Variants in KLHL18 observed in about 807,000 individuals in gnomAD.
KLHL18 encodes kelch like family member 18.
KLHL18 carries 38 observed loss-of-function variants against 58.5 expected under a neutral mutation model. That is an observed-to-expected ratio of 0.65 (90% CI 0.50 to 0.85). The LOEUF is 0.85. KLHL18 is among the 40% of genes least tolerant of loss of function. The pLI is 0.00. For missense variants in KLHL18, 624 were observed against 778.4 expected, an observed-to-expected ratio of 0.80 and a Z score of 2.36; for synonymous variants, 303 against 301.9, an observed-to-expected ratio of 1.00 and a Z score of -0.04.
At chr3:47,301,711 A>G (rs1703029585) in intron 1 of KLHL18, among the ~76,000 whole-genome samples, 1 of 152,210 alleles carries the variant, frequency 6.6e-6, no homozygotes, top group South Asian at 2.1e-4. Flanking sequence ...TGACTTCCCA[A>G]AAACATAATT....
At position 47,344,823 on chromosome 3, in the gene KLHL18, T is replaced by C. The variant is rs1316707160; in HGVS notation, c.*882T>C. ...CTGAGGCCTCGCATTGAGCTGGGGGTTCCCTCTGAGCCCCAGTGTGTGTGG... is the reference window on the plus strand; with the variant it reads ...CTGAGGCCTCGCATTGAGCTGGGGGCTCCCTCTGAGCCCCAGTGTGTGTGG... On this transcript the variant is annotated 3_prime_UTR_variant, in exon 10 of 10. Coordinates refer to ENST00000232766, the MANE Select transcript of KLHL18 (RefSeq NM_025010.5). 1.3e-5 allele frequency: 2 copies of C among 152,442 alleles called. No homozygotes were observed. The highest frequency in any genetic ancestry group is 2.9e-5 in the Non-Finnish European group (2 of 68,024). 9.4% of individuals were successfully genotyped at this position (152,442 alleles called of 1,614,324 possible). A position where few individuals can be genotyped will look rare whatever the true frequency, so the allele number is the denominator to read the frequency against.
intron 3 of KLHL18, among the ~76,000 whole-genome samples, chr3:47,327,066 C>T (rs894616880): frequency 2.0e-5 from 3 of 151,808 alleles, no homozygotes; most frequent in Admixed American, 6.6e-5. Context: ...TGGTGAAATG[C>T]CATCTCTACT....
At chr3:47,328,042 C>T (rs1159745662) in intron 3 of KLHL18, among the ~76,000 whole-genome samples, 6 of 152,000 alleles carry the variant, frequency 3.9e-5, no homozygotes, top group Non-Finnish European at 1.5e-5. Context: ...GCACTGGGCT[C>T]GTTTGGAATT....
intron 4 of KLHL18, among the ~76,000 whole-genome samples, chr3:47,331,550 A>G (rs976934100): frequency 6.8e-6 from 1 of 147,120 alleles, no homozygotes; most frequent in Admixed American, 7.0e-5. Flanking sequence ...CTCCTGCCTC[A>G]GCTTCCCAAG....
intron 5 of KLHL18, 100 bp downstream of exon 5, chr3:47,333,417 AT>A (rs1703913829): frequency 3.4e-6 from 4 of 1,186,892 alleles, no homozygotes; most frequent in Non-Finnish European, 4.7e-6. Flanking sequence ...ATTTAGAGTG[AT>A]CAGTCTAATT....
intron 1 of KLHL18, among the ~76,000 whole-genome samples, chr3:47,295,959 T>C (rs1702887974): frequency 6.6e-6 from 1 of 152,190 alleles, no homozygotes; most frequent in African/African-American, 2.4e-5. Context: ...GTCCCATCTC[T>C]CTGAAGACAG....
At position 47,283,018 on chromosome 3, in the gene KLHL18, C is replaced by T. The variant is rs1296890044; in HGVS notation, c.53C>T (p.Ser18Phe). The T allele has an allele frequency of 6.2e-7, 1 of 1,609,584 alleles. No homozygotes were observed. The highest frequency in any genetic ancestry group is 8.5e-7 in the Non-Finnish European group (1 of 1,178,324). Residue 18 changes from serine to phenylalanine, a missense_variant, in exon 1 of 10, where the codon TCT (serine) becomes TTT (phenylalanine). Physicochemically the swap from Ser to Phe is radical, Grantham distance 155 (BLOSUM62 -2). Transcript: ENST00000232766. ...GAGGATCTGGTGCACTTCTCCGTGT[C>T]TGAGTTGCCTAGTCGCGGCTACGGC... ...ELEDLVHFSV[S>F]ELPSRGYGVM...
In KLHL18 at chr3:47,322,574, G is replaced by A; in HGVS notation, c.267G>A (p.Leu89=). 6.2e-7 allele frequency: 1 copy of A among 1,602,712 alleles called. No homozygotes were observed. Among genetic ancestry groups the A allele is most frequent in the Non-Finnish European group, 8.5e-7 (1 of 1,175,036 alleles). ...CTTTCCCTCTTTCCTCTAGTGCCCT[G>A]GAGGCTCTGATCAACTTTGCCTACA... ...IVMQGMDPSA[L]EALINFAYNG... Residue 89 remains leucine (L), a synonymous_variant, in exon 3 of 10, where the codon CTG becomes CTA. Coordinates refer to ENST00000232766, the MANE Select transcript of KLHL18 (RefSeq NM_025010.5).
chr3:47,321,168 G>T (rs981849390), intron 2 of KLHL18, among the ~76,000 whole-genome samples: 3 of 151,862 alleles, frequency 2.0e-5, no homozygotes, highest in Non-Finnish European at 4.4e-5. Flanking sequence ...CTTTTTTTTG[G>T]GGGGAGTGGA....
chr3:47,318,571 A>T lies in KLHL18; in HGVS notation c.130-1082A>T, dbSNP rs552461953. Among the ~76,000 whole-genome samples, 6 of 152,278 alleles carry T rather than the reference A, an allele frequency of 3.9e-5. No individual in the cohort carries two copies. The East Asian group carries it at 9.6e-4, about 24-fold the overall frequency. ...TGAGCATTTACTGGGAGCTATTTAGAGGTTGGGTACCACAGGGAATAACTC... is the reference window on the plus strand; with the variant it reads ...TGAGCATTTACTGGGAGCTATTTAGTGGTTGGGTACCACAGGGAATAACTC... On this transcript the variant is annotated intron_variant, in intron 1 of 9. Transcript: ENST00000232766.
At chr3:47,338,489 G>A (rs1704035057) in intron 7 of KLHL18, 1 of 152,186 alleles carries the variant, frequency 6.6e-6, no homozygotes, top group African/African-American at 2.4e-5. Context: ...CCCTGAAAGG[G>A]ACATTCTGTG....
At chr3:47,329,621 A>G (rs1213888739) in intron 3 of KLHL18, among the ~76,000 whole-genome samples, 3 of 152,202 alleles carry the variant, frequency 2.0e-5, no homozygotes, top group Non-Finnish European at 2.9e-5. Context: ...CAGGAATTTC[A>G]GTGGTGGAAC....
chr3:47,343,568 A>G lies in KLHL18; in HGVS notation c.1352A>G (p.Asn451Ser), dbSNP rs951739709. Residue 451 changes from asparagine to serine, a missense_variant, in exon 10 of 10, where the codon AAC (asparagine) becomes AGC (serine). Asn to Ser is a conservative substitution (Grantham distance 46, BLOSUM62 1). Transcript: ENST00000232766. The stretch of plus-strand genomic sequence containing the variant: ...TCCCCACTGCAGGTGGAACACTACA[A>G]CCACCACACAGCCACCTGGCACCCT... Reference protein sequence around the residue: ...LQIFSSVEHYNHHTATWHPAA... With the variant: ...LQIFSSVEHYSHHTATWHPAA... 1.2e-6 allele frequency: 2 copies of G among 1,613,406 alleles called. No homozygotes were observed. Among genetic ancestry groups the G allele is most frequent in the Non-Finnish European group, 1.7e-6 (2 of 1,180,006 alleles).
At chr3:47,324,072 C>CG (rs1703650765) in intron 3 of KLHL18, among the ~76,000 whole-genome samples, 1 of 152,000 alleles carries the variant, frequency 6.6e-6, no homozygotes, top group Non-Finnish European at 1.5e-5. Context: ...TGGTGCTGTT[C>CG]GCAGTTTTAT....
chr3:47,294,382 G>A (rs749836139), intron 1 of KLHL18, among the ~76,000 whole-genome samples: 2 of 152,194 alleles, frequency 1.3e-5, no homozygotes, highest in Non-Finnish European at 2.9e-5. Flanking sequence ...TCCTAGTGGA[G>A]TAGCAGACAA....
chr3:47,318,979 T>C (rs1438593532), intron 1 of KLHL18, among the ~76,000 whole-genome samples: 2 of 152,220 alleles, frequency 1.3e-5, no homozygotes, highest in Non-Finnish European at 2.9e-5. Flanking sequence ...TAAGTGGAAA[T>C]GTTTATATAG....
intron 1 of KLHL18, among the ~76,000 whole-genome samples, chr3:47,317,302 C>A (rs1316738193): frequency 6.6e-6 from 1 of 152,146 alleles, no homozygotes; most frequent in East Asian, 1.9e-4. Flanking sequence ...TTAGTAGAGA[C>A]GGGGTTTCAC....
At chr3:47,338,718 A>C (rs1393146246) in intron 7 of KLHL18, 2 of 152,338 alleles carry the variant, frequency 1.3e-5, no homozygotes, top group Middle Eastern at 3.4e-3. Flanking sequence ...GCTACTTGGG[A>C]GGCTAAGGCA....
At chr3:47,301,267 T>C (rs563555708) in intron 1 of KLHL18, among the ~76,000 whole-genome samples, 1 of 152,284 alleles carries the variant, frequency 6.6e-6, no homozygotes, top group East Asian at 1.9e-4. Context: ...GTTTGTGCTT[T>C]TGGTCTCATG....
Sources: allele counts gnomAD v4.1 joint callset (sites outside exome capture counted in the v4.1 genomes callset), GRCh38; gene constraint gnomAD v4.1.1; transcripts MANE v1.5; gene names NCBI Gene and HGNC (gene_info 2026-07-23, HGNC 2026-07-21).